Variants in FRMD4B observed in about 807,000 individuals in gnomAD.
FRMD4B encodes the protein FERM domain containing 4B.
A neutral mutation model predicts 141.5 loss-of-function variants in FRMD4B; 74 were observed. The ratio of observed to expected loss-of-function variants is 0.52; its 90% CI spans 0.43 to 0.63. The LOEUF (loss-of-function observed/expected upper bound fraction) is 0.63, where lower values mean the gene tolerates loss of function less well. Ranked by LOEUF, FRMD4B falls within the 30% of genes least tolerant of loss-of-function variation. The pLI, the probability that FRMD4B is intolerant of heterozygous loss-of-function variation, is 0.00. For missense variants in FRMD4B, 1,366 were observed against 1,253.4 expected, an observed-to-expected ratio of 1.09 and a Z score of -1.36; for synonymous variants, 506 against 467.9, an observed-to-expected ratio of 1.08 and a Z score of -1.05.
intron 1 of FRMD4B, among the ~76,000 whole-genome samples, chr3:69,378,753 G>C (rs1031563035): frequency 5.9e-5 from 9 of 151,892 alleles, no homozygotes. Context: ...TTCAAGTTCA[G>C]GCATTATTCT....
chr3:69,268,406 C>T (rs1030285449), intron 5 of FRMD4B, among the ~76,000 whole-genome samples: 1 of 151,892 alleles, frequency 6.6e-6, no homozygotes, highest in Non-Finnish European at 1.5e-5. Flanking sequence ...AGATGAATAA[C>T]CAGTATTAAA....
Position 69,234,974 on chromosome 3 carries a change from C to T in FRMD4B, c.582-10284G>A, listed in dbSNP as rs1409366964. ...GACCAGCCTGGCCAACATGGTGGAA[C>T]CCCACCTCTACTAAAAATACAAAAA... On this transcript the variant is annotated intron_variant, in intron 7 of 22. Transcript: ENST00000398540. Among the ~76,000 whole-genome samples the T allele has an allele frequency of 3.3e-5, 5 of 151,598 alleles. No homozygotes were observed. The East Asian group carries it at 9.8e-4, about 30-fold the overall frequency.
intron 1 of FRMD4B, among the ~76,000 whole-genome samples, chr3:69,475,384 G>A (rs1705969814): frequency 6.7e-6 from 1 of 148,380 alleles, no homozygotes; most frequent in Admixed American, 6.8e-5. Flanking sequence ...AGTCCCCAGA[G>A]TGTAACGTTC....
chr3:69,363,267 A>G (rs62254080), intron 1 of FRMD4B, among the ~76,000 whole-genome samples: 721 of 70,868 alleles, frequency 0.01, 10 homozygotes, highest in African/African-American at 0.08. Flanking sequence ...TTTTTTTTAA[A>G]TAGAGATGGG....
chr3:69,253,127 C>T (rs1031738015), intron 5 of FRMD4B, among the ~76,000 whole-genome samples: 1 of 147,128 alleles, frequency 6.8e-6, no homozygotes, highest in African/African-American at 2.5e-5. Context: ...AGTAGGAGAA[C>T]AGAATCAAAG....
chr3:69,308,377 C>G (rs1249597469), intron 3 of FRMD4B, among the ~76,000 whole-genome samples: 1 of 152,066 alleles, frequency 6.6e-6, no homozygotes, highest in African/African-American at 2.4e-5. Context: ...GCTCCTACCT[C>G]CCTCTCAACC....
intron 2 of FRMD4B, among the ~76,000 whole-genome samples, chr3:69,412,840 CTTTTTTT>C (rs869150440): frequency 2.6e-4 from 14 of 54,270 alleles, no homozygotes; most frequent in African/African-American, 9.8e-4. Flanking sequence ...AGAAGCTCCA[CTTTTTTT>C]TTTTTTTTTT....
intron 1 of FRMD4B, among the ~76,000 whole-genome samples, chr3:69,349,710 A>G (rs1428178285): frequency 6.6e-6 from 1 of 152,196 alleles, no homozygotes; most frequent in Non-Finnish European, 1.5e-5. Flanking sequence ...CCTGAGAAAA[A>G]CAAGCAATGG....
intron 7 of FRMD4B, among the ~76,000 whole-genome samples, chr3:69,247,237 C>G (rs573986558): frequency 6.6e-6 from 1 of 152,004 alleles, no homozygotes. Flanking sequence ...ACCATTTTAC[C>G]GATGAGGAAA....
At chr3:69,341,362 C>T (rs1702732715) in intron 1 of FRMD4B, among the ~76,000 whole-genome samples, 1 of 152,180 alleles carries the variant, frequency 6.6e-6, no homozygotes, top group African/African-American at 2.4e-5. Context: ...ACTTTCAGGT[C>T]CCACTAGAGT....
chr3:69,330,120 C>G (rs1702316443), intron 1 of FRMD4B, among the ~76,000 whole-genome samples: 1 of 151,802 alleles, frequency 6.6e-6, no homozygotes, highest in Admixed American at 6.6e-5. Context: ...TTTTCCTAGC[C>G]CCTAAGACAG....
Position 69,214,008 on chromosome 3 carries a change from C to T in FRMD4B, c.876+2255G>A, listed in dbSNP as rs540823032. ...AATAATTTCTAGTAAGAAGCCTCAA[C>T]GCCCTACTAGCCTGATCCAGGAAAG... On this transcript the variant is annotated intron_variant, in intron 11 of 22. Coordinates refer to ENST00000398540, the MANE Select transcript of FRMD4B (RefSeq NM_015123.3). Among the ~76,000 whole-genome samples, 46 of 152,040 alleles carry T rather than the reference C, an allele frequency of 3.0e-4. 1 individual carries two copies. The highest frequency in any genetic ancestry group is 7.2e-5 in the African/African-American group (3 of 41,400).
intron 1 of FRMD4B, among the ~76,000 whole-genome samples, chr3:69,513,243 T>C (rs1706717768): frequency 6.6e-6 from 1 of 151,468 alleles, no homozygotes; most frequent in South Asian, 2.1e-4. Flanking sequence ...GTTGTAGAAA[T>C]AAAAGGGATT....
chr3:69,227,447 G>A (rs919996272), intron 7 of FRMD4B, among the ~76,000 whole-genome samples: 2 of 152,122 alleles, frequency 1.3e-5, no homozygotes, highest in Non-Finnish European at 2.9e-5. Context: ...GGGATCACCT[G>A]AGGTCAGGAG....
intron 11 of FRMD4B, among the ~76,000 whole-genome samples, chr3:69,206,657 T>C (rs906855274): frequency 1.3e-5 from 2 of 152,258 alleles, no homozygotes; most frequent in African/African-American, 2.4e-5. Context: ...TATTTACAAC[T>C]GGTATCCCTT....
chr3:69,417,823 G>C (rs1704895669), intron 2 of FRMD4B, among the ~76,000 whole-genome samples: 1 of 152,176 alleles, frequency 6.6e-6, no homozygotes, highest in South Asian at 2.1e-4. Context: ...TTTCAGCAGA[G>C]CCATACTTCC....
At chr3:69,398,983 T>A (rs1169469540) in intron 2 of FRMD4B, among the ~76,000 whole-genome samples, 2 of 152,196 alleles carry the variant, frequency 1.3e-5, no homozygotes, top group African/African-American at 4.8e-5. Context: ...TGCAGTATAA[T>A]CAGAATTCTA....
chr3:69,391,242 A>AT (rs764189098), intron 2 of FRMD4B, among the ~76,000 whole-genome samples: 25 of 144,614 alleles, frequency 1.7e-4, no homozygotes, highest in African/African-American at 3.6e-4. Context: ...TTATTTATTT[A>AT]TTTTTATTTT....
At chr3:69,351,456 A>G (rs1703147796) in intron 1 of FRMD4B, among the ~76,000 whole-genome samples, 1 of 152,176 alleles carries the variant, frequency 6.6e-6, no homozygotes, top group South Asian at 2.1e-4. Context: ...ACCTAGCACT[A>G]TAGCTTTTTG....
Sources: allele counts gnomAD v4.1 joint callset (sites outside exome capture counted in the v4.1 genomes callset), GRCh38; gene constraint gnomAD v4.1.1; transcripts MANE v1.5; gene names NCBI Gene and HGNC (gene_info 2026-07-23, HGNC 2026-07-21).